Variants in FRMD4B observed in about 807,000 individuals in gnomAD.
The protein encoded by FRMD4B is FERM domain-containing protein 4B.
A neutral mutation model predicts 141.5 loss-of-function variants in FRMD4B; 74 were observed. The ratio of observed to expected loss-of-function variants is 0.52; its 90% CI spans 0.43 to 0.63. The LOEUF (loss-of-function observed/expected upper bound fraction) is 0.63, where lower values mean the gene tolerates loss of function less well. Ranked by LOEUF, FRMD4B falls within the 30% of genes least tolerant of loss-of-function variation. The pLI is 0.00. For synonymous variants in FRMD4B, 506 were observed against 467.9 expected (o/e 1.08, Z -1.05); for missense variants, 1,366 against 1,253.4 (o/e 1.09, Z -1.36).
At chr3:69,277,483 T>C (rs2093623032) in intron 5 of FRMD4B, among the ~76,000 whole-genome samples, 1 of 151,642 alleles carries the variant, frequency 6.6e-6, no homozygotes. Flanking sequence ...ATATGGTATA[T>C]GTCTTGAACA....
chr3:69,242,633 T>G lies in FRMD4B; in HGVS notation c.581+6593A>C, dbSNP rs537812054. Reference sequence around the variant, plus strand: ...GCAAAATGTAGTCACTCACTTTTTCTTACAAGTAGAAGCACCCTAATCACA... The same window carrying G: ...GCAAAATGTAGTCACTCACTTTTTCGTACAAGTAGAAGCACCCTAATCACA... On this transcript the variant is annotated intron_variant, in intron 7 of 22. Transcript: ENST00000398540. Among the ~76,000 whole-genome samples, 15 of 150,720 alleles carry G rather than the reference T, an allele frequency of 1.0e-4. No individual in the cohort carries two copies. The South Asian group carries it at 3.2e-3, about 32-fold the overall frequency.
chr3:69,500,645 T>C (rs746801909), intron 1 of FRMD4B, among the ~76,000 whole-genome samples: 9 of 151,996 alleles, frequency 5.9e-5, no homozygotes, highest in Non-Finnish European at 8.8e-5. Context: ...TGAGGGCACA[T>C]AGTTACCTGA....
chr3:69,540,186 G>GAA (rs11382691), intron 1 of FRMD4B, among the ~76,000 whole-genome samples: 37 of 150,570 alleles, frequency 2.5e-4, no homozygotes, highest in African/African-American at 5.6e-4. Flanking sequence ...GAGTTCGAAG[G>GAA]AAAAAAAAAG....
chr3:69,511,334 C>T (rs1706683109), intron 1 of FRMD4B, among the ~76,000 whole-genome samples: 1 of 151,998 alleles, frequency 6.6e-6, no homozygotes, highest in African/African-American at 2.4e-5. Context: ...GTTCAGGTTG[C>T]CTTTGTTTAA....
At chr3:69,185,753 C>G (rs77621083) in intron 19 of FRMD4B, among the ~76,000 whole-genome samples, 9,399 of 152,136 alleles carry the variant, frequency 0.062, 403 homozygotes, top group Non-Finnish European at 0.094. Context: ...AGTAAGTACT[C>G]AATAGCGGCC....
intron 7 of FRMD4B, among the ~76,000 whole-genome samples, chr3:69,230,582 T>A (rs2093297473): frequency 6.6e-6 from 1 of 151,528 alleles, no homozygotes; most frequent in East Asian, 2.0e-4. Context: ...CCCACCTCTA[T>A]TAAAAAAATA....
At chr3:69,184,131 C>T (rs776234763) in intron 19 of FRMD4B, among the ~76,000 whole-genome samples, 3 of 151,816 alleles carry the variant, frequency 2.0e-5, no homozygotes, top group Non-Finnish European at 2.9e-5. Flanking sequence ...AGGCTGTTTT[C>T]GAACTCCTGA....
rs550355700 is a variant in FRMD4B at position 69,503,756 on chromosome 3, A to G, written c.-129+38450T>C. ...ATCATGCATGCTTCCATCAGGGTAT[A>G]TACTTCCCACTTTGGAGATCACCAG... On this transcript the variant is annotated intron_variant, in intron 1 of 5. Coordinates refer to the FRMD4B transcript ENST00000459638. Among the ~76,000 whole-genome samples, 5 of 152,294 alleles carry G rather than the reference A, an allele frequency of 3.3e-5. No individual in the cohort carries two copies. The South Asian group carries it at 1.0e-3, about 32-fold the overall frequency.
chr3:69,184,583 C>T (rs778334996), intron 19 of FRMD4B, among the ~76,000 whole-genome samples: 159 of 152,140 alleles, frequency 1.0e-3, no homozygotes, highest in Non-Finnish European at 1.4e-3. Context: ...AGTAAAATTC[C>T]TAAGTGAAAT....
At chr3:69,253,090 G>T (rs1247678085) in intron 5 of FRMD4B, among the ~76,000 whole-genome samples, 1 of 151,780 alleles carries the variant, frequency 6.6e-6, no homozygotes, top group Non-Finnish European at 1.5e-5. Context: ...CCAGGCTAAT[G>T]AGGTGAATTC....
At chr3:69,476,336 G>C (rs1705996774) in intron 1 of FRMD4B, among the ~76,000 whole-genome samples, 2 of 151,884 alleles carry the variant, frequency 1.3e-5, no homozygotes, top group South Asian at 4.1e-4. Context: ...TATGGTTTTA[G>C]GTCTAACGTT....
chr3:69,468,391 T>C (rs1705828893), intron 1 of FRMD4B, among the ~76,000 whole-genome samples: 1 of 152,176 alleles, frequency 6.6e-6, no homozygotes, highest in African/African-American at 2.4e-5. Context: ...ATTTCCCAAA[T>C]ATTCCACTCA....
At position 69,386,061 on chromosome 3, in the gene FRMD4B, G is replaced by A; in HGVS notation, c.-72C>T. On this transcript the variant is annotated 5_prime_UTR_variant, in exon 1 of 23. Coordinates refer to ENST00000398540, the MANE Select transcript of FRMD4B (RefSeq NM_015123.3). ...CAGCCCCGACCCCAGCGGCCTGCCC[G>A]CCTGGGCTCCCGACGCCGGCTTCTG... 8.4e-6 allele frequency: 11 copies of A among 1,304,728 alleles called. No individual in the cohort carries two copies. Among genetic ancestry groups the A allele is most frequent in the Non-Finnish European group, 1.1e-5 (11 of 995,934 alleles). The allele number at this position is 1,304,728 out of a possible 1,614,324, so 80.8% of individuals were successfully genotyped here. A position where few individuals can be genotyped will look rare whatever the true frequency, so the allele number is the denominator to read the frequency against.
intron 1 of FRMD4B, among the ~76,000 whole-genome samples, chr3:69,348,216 T>C (rs7372995): frequency 0.99 from 151,386 of 152,270 alleles, 75,261 homozygotes; most frequent in East Asian, 1. Context: ...TCTACGCAAA[T>C]AAACTAGAAA....
At chr3:69,334,927 T>G (rs1702492672) in intron 1 of FRMD4B, among the ~76,000 whole-genome samples, 1 of 152,180 alleles carries the variant, frequency 6.6e-6, no homozygotes, top group Admixed American at 6.5e-5. Context: ...CAGGGTGATT[T>G]CAGGTCGTGT....
In FRMD4B at chr3:69,385,870, G is replaced by C. The variant is rs1359400097; in HGVS notation, c.120C>G (p.His40Gln). The C allele has an allele frequency of 6.3e-7, 1 of 1,599,196 alleles. No individual in the cohort carries two copies. The highest frequency in any genetic ancestry group is 1.3e-5 in the African/African-American group (1 of 74,398). ...RWYTERLRACHQVLRTWCGLQ... is the reference protein window; with the variant it reads ...RWYTERLRACQQVLRTWCGLQ... ...GCCCGCACCACGTCCGCAGCACCTG[G>C]TGGCAAGCCCGCAGCCTCTCCGTGT... Residue 40 changes from histidine to glutamine, a missense_variant, in exon 1 of 23, where the codon CAC (histidine) becomes CAG (glutamine). Physicochemically the swap from His to Gln is conservative, Grantham distance 24. Coordinates refer to ENST00000398540, the MANE Select transcript of FRMD4B (RefSeq NM_015123.3).
At chr3:69,274,345 G>A (rs999680657) in intron 5 of FRMD4B, among the ~76,000 whole-genome samples, 1 of 151,964 alleles carries the variant, frequency 6.6e-6, no homozygotes, top group African/African-American at 2.4e-5. Context: ...ATGTAAGTAC[G>A]ATGCCCAGTA....
rs111646170 is a variant in FRMD4B, at chr3:69,215,025, G to T, written c.876+1238C>A. Among the ~76,000 whole-genome samples, 18 of 151,674 alleles carry T rather than the reference G, an allele frequency of 1.2e-4. No homozygotes were observed. The East Asian group carries it at 3.2e-3, about 27-fold the overall frequency. ...CTCCCGAGGAGCTGGGACTATACGCGCATGCCGCTATGCCCAGCTCATTTT... is the reference window on the plus strand; with the variant it reads ...CTCCCGAGGAGCTGGGACTATACGCTCATGCCGCTATGCCCAGCTCATTTT... On this transcript the variant is annotated intron_variant, in intron 11 of 22. Transcript: ENST00000398540.
At chr3:69,228,604 C>T in intron 7 of FRMD4B, 1 of 401,586 alleles carries the variant, frequency 2.5e-6, no homozygotes, top group East Asian at 7.2e-5. Context: ...GGAGACTGAG[C>T]TGGGAGGATC....
Sources: gnomAD v4.1 joint callset for allele counts (sites outside exome capture counted in the v4.1 genomes callset) on GRCh38, gnomAD v4.1.1 for gene constraint, MANE v1.5 for transcripts, NCBI Gene and HGNC (gene_info 2026-07-23, HGNC 2026-07-21) for gene names.